NAPG: variants seen among roughly 807,000 people sequenced by gnomAD.
The protein encoded by NAPG is gamma-soluble NSF attachment protein.
A neutral mutation model predicts 48.4 loss-of-function variants in NAPG; 25 were observed. The observed-to-expected ratio is 0.52, with a 90% CI of 0.38 to 0.72. The LOEUF is 0.72. NAPG is among the 30% of genes least tolerant of loss of function. NAPG has a pLI of 0.00. For synonymous variants in NAPG, 139 were observed against 127.2 expected, an observed-to-expected ratio of 1.09 and a Z score of -0.62; for missense variants, 359 against 372.5, an observed-to-expected ratio of 0.96 and a Z score of 0.30.
In NAPG at chr18:10,530,815, C is replaced by T. The variant is rs375708480; in HGVS notation, c.102C>T (p.Ala34=). 1.5e-5 allele frequency: 24 copies of T among 1,582,926 alleles called. No individual in the cohort carries two copies. The highest frequency in any genetic ancestry group is 4.5e-5 in the East Asian group (2 of 44,052). ...FLKWKPDYDS[A]ASEYGKAAVA... ...AATGGAAGCCAGATTATGACAGTGCCGCTTCTGAATATGGAAAAGCAGGTA... is the reference window on the plus strand; with the variant it reads ...AATGGAAGCCAGATTATGACAGTGCTGCTTCTGAATATGGAAAAGCAGGTA... The change falls in exon 2 of 12, where the codon GCC becomes GCT. Residue 34 remains alanine (A), a synonymous_variant. Coordinates refer to ENST00000322897, the MANE Select transcript of NAPG (RefSeq NM_003826.3).
intron 8 of NAPG, among the ~76,000 whole-genome samples, chr18:10,541,475 T>C (rs2032155826): frequency 6.6e-6 from 1 of 152,186 alleles, no homozygotes; most frequent in Non-Finnish European, 1.5e-5. Context: ...TTTCTGAAAG[T>C]GTTTGTTACA....
rs1175665059 is a variant in NAPG at position 10,551,916 on chromosome 18, G to A, written c.*1696G>A. On this transcript the variant is annotated 3_prime_UTR_variant, in exon 12 of 12. Coordinates refer to ENST00000322897, the MANE Select transcript of NAPG (RefSeq NM_003826.3). The stretch of plus-strand genomic sequence containing the variant: ...CACCTCATTTTTATTAATGATATTG[G>A]GATTAACTATGAACAAGCTATATGT... 1 of 151,886 alleles carries A rather than the reference G, an allele frequency of 6.6e-6. No homozygotes were observed. The highest frequency in any genetic ancestry group is 1.5e-5 in the Non-Finnish European group (1 of 67,986). The allele number at this position is 151,886 out of a possible 1,614,324, so 9.4% of individuals were successfully genotyped here.
chr18:10,548,959 T>G lies in NAPG; in HGVS notation c.666-8T>G. 6.2e-7 allele frequency: 1 copy of G among 1,612,694 alleles called. No individual in the cohort carries two copies. ...AAGGTGAAGACGTGTGATTTGTGCTTACTGCAGCATCCCTGGGTTCAATGG... is the reference window on the plus strand; with the variant it reads ...AAGGTGAAGACGTGTGATTTGTGCTGACTGCAGCATCCCTGGGTTCAATGG... On this transcript the variant is annotated splice_polypyrimidine_tract_variant and splice_region_variant and intron_variant, in intron 10 of 11. Coordinates refer to ENST00000322897, the MANE Select transcript of NAPG (RefSeq NM_003826.3). The surrounding 1 kb of genome is among the most constrained non-coding windows in gnomAD (Gnocchi z 4.4).
chr18:10,533,499 TTTTTTCC>T (rs1237723590), intron 3 of NAPG, 30 bp from the exon 4 acceptor site: 1 of 1,574,654 alleles, frequency 6.4e-7, no homozygotes, highest in Non-Finnish European at 8.6e-7. Flanking sequence ...GATTTTTTTC[TTTTTTCC>T]TTAACTTTGA....
intron 8 of NAPG, 49 bp downstream of exon 8, chr18:10,540,448 A>G: frequency 6.6e-7 from 1 of 1,505,106 alleles, no homozygotes; most frequent in Non-Finnish European, 9.2e-7. Flanking sequence ...CTTTGAATCC[A>G]CATTTGGAAC....
rs2032261572 is a variant in NAPG at position 10,546,164 on chromosome 18, C to G, written c.507-162C>G. Among the ~76,000 whole-genome samples, 1 of 152,094 alleles carries G rather than the reference C, an allele frequency of 6.6e-6. No homozygotes were observed. The highest frequency in any genetic ancestry group is 2.4e-5 in the African/African-American group (1 of 41,412). ...GGAGTCAGACATTTGAAAGGTAAGC[C>G]AGATGAGCAGAGCATGTGGAAACCT... On this transcript the variant is annotated intron_variant, in intron 8 of 11. Coordinates refer to ENST00000322897, the MANE Select transcript of NAPG (RefSeq NM_003826.3). The surrounding 1 kb of genome is among the most constrained non-coding windows in gnomAD (Gnocchi z 4.0).
chr18:10,526,246 G>GTT, intron 1 of NAPG, 88 bp downstream of exon 1: 1 of 490,186 alleles, frequency 2.0e-6, no homozygotes, highest in Non-Finnish European at 4.2e-6. Flanking sequence ...GGGCGGGAGG[G>GTT]AGGGCTCAGG....
chr18:10,538,286 G>T (rs143957652), intron 5 of NAPG, among the ~76,000 whole-genome samples: 2 of 152,250 alleles, frequency 1.3e-5, no homozygotes, highest in African/African-American at 4.8e-5. Flanking sequence ...AGTGAAGAGC[G>T]GGGAGAAGCG....
intron 8 of NAPG, 76 bp downstream of exon 8, chr18:10,540,475 G>A (rs2032131505): frequency 7.9e-7 from 1 of 1,267,428 alleles, no homozygotes; most frequent in Non-Finnish European, 1.1e-6. Flanking sequence ...GTAATTTGGG[G>A]GATAGCTTGT....
At chr18:10,540,725 G>A (rs969991690) in intron 8 of NAPG, 7 of 196,730 alleles carry the variant, frequency 3.6e-5, no homozygotes, top group Non-Finnish European at 4.1e-5. Context: ...GGAAAAATAA[G>A]AATATTAGGA....
chr18:10,547,375 C>T (rs2032291487), intron 9 of NAPG, among the ~76,000 whole-genome samples: 1 of 152,304 alleles, frequency 6.6e-6, no homozygotes, highest in South Asian at 2.1e-4. Context: ...ACTCAACATG[C>T]AAGAACCTGG....
intron 8 of NAPG, among the ~76,000 whole-genome samples, chr18:10,545,321 T>A (rs1322282470): frequency 1.3e-5 from 2 of 152,050 alleles, no homozygotes; most frequent in African/African-American, 4.8e-5. Flanking sequence ...CAAAAAAAAA[T>A]AAAAAGACAG....
At chr18:10,533,382 G>T in intron 3 of NAPG, 154 bp from the exon 4 acceptor site, 4 of 555,126 alleles carry the variant, frequency 7.2e-6, no homozygotes, top group Non-Finnish European at 9.3e-6. Flanking sequence ...ATATTGACAG[G>T]TATTGAATTA....
chr18:10,539,843 G>T lies in NAPG; in HGVS notation c.340G>T (p.Ala114Ser). The T allele has an allele frequency of 6.2e-7, 1 of 1,614,022 alleles. No homozygotes were observed. Among genetic ancestry groups the T allele is most frequent in the South Asian group, 1.1e-5 (1 of 91,078 alleles). ...MYLENGTPDT[A>S]AMALERAGKL... ...TCTAGAAAACGGCACCCCAGACACA[G>T]CAGCCATGGCTTTGGAGCGAGCTGG... The change falls in exon 6 of 12, where the codon GCA becomes TCA. Residue 114 changes from alanine to serine, a missense_variant. Physicochemically the swap from Ala to Ser is moderately conservative, Grantham distance 99. Transcript: ENST00000322897. The surrounding 1 kb of genome is among the most constrained non-coding windows in gnomAD (Gnocchi z 4.7).
At position 10,550,802 on chromosome 18, in the gene NAPG, T is replaced by C. The variant is rs1352234020; in HGVS notation, c.*582T>C. The C allele has an allele frequency of 6.6e-6, 1 of 152,244 alleles. No homozygotes were observed. Among genetic ancestry groups the C allele is most frequent in the Non-Finnish European group, 1.5e-5 (1 of 68,098 alleles). 9.4% of individuals were successfully genotyped at this position (152,244 alleles called of 1,614,324 possible). On this transcript the variant is annotated 3_prime_UTR_variant, in exon 12 of 12. Coordinates refer to ENST00000322897, the MANE Select transcript of NAPG (RefSeq NM_003826.3). ...AATAAAAGATGCATTGAAGCTCTTA[T>C]ATATTATGAGTTTGAAAAATTTTGA...
chr18:10,546,417 A>G lies in NAPG; in HGVS notation c.585+13A>G. On this transcript the variant is annotated intron_variant, in intron 9 of 11. Transcript: ENST00000322897. This position sits in a 1 kb window ranked among gnomAD's most constrained non-coding sequence, Gnocchi z 4.0. Reference sequence around the variant, plus strand: ...AACTTGTTATAAGGTATTCTTTGAAAGTGTTTGTTTTTGGTATTACATTAG... The same window carrying G: ...AACTTGTTATAAGGTATTCTTTGAAGGTGTTTGTTTTTGGTATTACATTAG... 1 of 1,474,372 alleles carries G rather than the reference A, an allele frequency of 6.8e-7. No individual in the cohort carries two copies. Among genetic ancestry groups the G allele is most frequent in the Non-Finnish European group, 9.2e-7 (1 of 1,081,918 alleles). The allele number at this position is 1,474,372 out of a possible 1,614,324, so 91.3% of individuals were successfully genotyped here.
At position 10,548,230 on chromosome 18, in the gene NAPG, C is replaced by A; in HGVS notation, c.586-69C>A. The A allele has an allele frequency of 8.6e-7, 1 of 1,169,268 alleles. No individual in the cohort carries two copies. The highest frequency in any genetic ancestry group is 1.3e-6 in the Non-Finnish European group (1 of 783,188). 72.4% of individuals were successfully genotyped at this position (1,169,268 alleles called of 1,614,324 possible). A position where few individuals can be genotyped will look rare whatever the true frequency, so the allele number is the denominator to read the frequency against. On this transcript the variant is annotated intron_variant, in intron 9 of 11. Coordinates refer to ENST00000322897, the MANE Select transcript of NAPG (RefSeq NM_003826.3). The surrounding 1 kb of genome is among the most constrained non-coding windows in gnomAD (Gnocchi z 4.4). ...CTGAAAGTTAAACTCCAGGTGTTTT[C>A]AATACTGCCAGGTTATTGACTTTAT...
rs2032215016 is a variant in NAPG, at chr18:10,544,226, T to C, written c.507-2100T>C. Among the ~76,000 whole-genome samples, 1 of 152,242 alleles carries C rather than the reference T, an allele frequency of 6.6e-6. No individual in the cohort carries two copies. Among genetic ancestry groups the C allele is most frequent in the Non-Finnish European group, 1.5e-5 (1 of 68,048 alleles). On this transcript the variant is annotated intron_variant, in intron 8 of 11. Transcript: ENST00000322897. The surrounding 1 kb of genome is among the most constrained non-coding windows in gnomAD (Gnocchi z 5.1). ...TTTTTATTTCTGCATAGCAGATTGC[T>C]ACAAACTTAGCAGCTTAAAACAGTA...
Position 10,548,573 on chromosome 18 carries a change from A to G in NAPG, c.665+195A>G, listed in dbSNP as rs992645081. 6.9e-6 allele frequency among the ~76,000 whole-genome samples: 1 copy of G among 144,780 alleles called. No homozygotes were observed. The highest frequency in any genetic ancestry group is 1.5e-5 in the Non-Finnish European group (1 of 66,924). The allele number at this position is 144,780 out of a possible 152,430, so 95.0% of individuals were successfully genotyped here. A position where few individuals can be genotyped will look rare whatever the true frequency, so the allele number is the denominator to read the frequency against. On this transcript the variant is annotated intron_variant, in intron 10 of 11. Transcript: ENST00000322897. This position sits in a 1 kb window ranked among gnomAD's most constrained non-coding sequence, Gnocchi z 4.4. Reference sequence around the variant, plus strand: ...TTTTCCCTTTCCTGTATTTTTCTCTAGGGGACCTCCATGGAAGTGAATGAC... The same window carrying G: ...TTTTCCCTTTCCTGTATTTTTCTCTGGGGGACCTCCATGGAAGTGAATGAC...
Sources: gnomAD v4.1 joint callset for allele counts (sites outside exome capture counted in the v4.1 genomes callset) on GRCh38, gnomAD v4.1.1 for gene constraint, Gnocchi (gnomAD v3.1) non-coding constraint, MANE v1.5 for transcripts, NCBI Gene and HGNC (gene_info 2026-07-23, HGNC 2026-07-21) for gene names.